Variants in DPP10 observed in about 807,000 individuals in gnomAD.
DPP10 encodes the protein dipeptidyl peptidase like 10.
Under a neutral mutation model 120.9 loss-of-function variants are expected in DPP10, and 33 were observed. The observed-to-expected ratio is 0.27, with a 90% CI of 0.21 to 0.37. DPP10 has a LOEUF of 0.37. DPP10 is among the 10% of genes least tolerant of loss of function. DPP10 has a pLI of 1.00. For synonymous variants in DPP10, 337 were observed against 326.1 expected (o/e 1.03, Z -0.36); for missense variants, 816 against 942.8 (o/e 0.87, Z 1.76).
intron 5 of DPP10, among the ~76,000 whole-genome samples, chr2:115,545,732 C>T (rs2079461553): frequency 6.6e-6 from 1 of 152,126 alleles, no homozygotes; most frequent in African/African-American, 2.4e-5. Flanking sequence ...CATAAATCCT[C>T]AAATCCTCAC....
chr2:115,791,048 TTAGC>T, intron 17 of DPP10, 29 bp from the exon 18 acceptor site: 1 of 1,496,128 alleles, frequency 6.7e-7, no homozygotes. Flanking sequence ...TGCATAGGGG[TTAGC>T]TATTTACACT....
chr2:115,364,768 A>G (rs565472107), intron 3 of DPP10, among the ~76,000 whole-genome samples: 16 of 152,166 alleles, frequency 1.1e-4, no homozygotes, highest in Middle Eastern at 6.8e-3. Flanking sequence ...CACAGTATCT[A>G]GCACGTAGTT....
At chr2:115,419,626 G>A (rs1017003662) in intron 3 of DPP10, among the ~76,000 whole-genome samples, 2 of 151,968 alleles carry the variant, frequency 1.3e-5, no homozygotes, top group Admixed American at 6.6e-5. Flanking sequence ...TATCCAACCA[G>A]TATCAAATGC....
chr2:114,900,676 T>C (rs1457506369), intron 1 of DPP10, among the ~76,000 whole-genome samples: 1 of 152,326 alleles, frequency 6.6e-6, no homozygotes, highest in East Asian at 1.9e-4. Flanking sequence ...TCATTTTCAT[T>C]TGACAAACAG....
In DPP10 at chr2:115,033,701, T is replaced by A. The variant is rs1360360777; in HGVS notation, c.61-275538T>A. On this transcript the variant is annotated intron_variant, in intron 1 of 25. Coordinates refer to ENST00000410059, the MANE Select transcript of DPP10 (RefSeq NM_020868.6). ...TTTACCGCAATATCTTCCCTCCTTTTTTTTTTTTTTATTTTTAGAGATACG... is the reference window on the plus strand; with the variant it reads ...TTTACCGCAATATCTTCCCTCCTTTATTTTTTTTTTATTTTTAGAGATACG... Among the ~76,000 whole-genome samples the A allele has an allele frequency of 4.7e-5, 7 of 150,362 alleles. No homozygotes were observed. The South Asian group carries it at 1.5e-3, about 32-fold the overall frequency.
chr2:114,544,440 G>A (rs772407556), intron 1 of DPP10, among the ~76,000 whole-genome samples: 2 of 152,164 alleles, frequency 1.3e-5, no homozygotes, highest in Admixed American at 1.3e-4. Flanking sequence ...TAAGAAACAG[G>A]TCCAAAATAG....
intron 3 of DPP10, among the ~76,000 whole-genome samples, chr2:115,358,321 A>G (rs2064541012): frequency 6.6e-6 from 1 of 152,162 alleles, no homozygotes; most frequent in Admixed American, 6.5e-5. Flanking sequence ...CAGGGGCAAA[A>G]TGCTGCCAGT....
chr2:115,636,279 A>G (rs1406805364), intron 5 of DPP10, among the ~76,000 whole-genome samples: 2 of 152,174 alleles, frequency 1.3e-5, no homozygotes, highest in Non-Finnish European at 1.5e-5. Context: ...GGAAAACATC[A>G]ACTATTTTAA....
At chr2:114,467,037 C>CAAA (rs35956526) in intron 1 of DPP10, among the ~76,000 whole-genome samples, 13 of 136,724 alleles carry the variant, frequency 9.5e-5, no homozygotes, top group African/African-American at 2.7e-4. Context: ...ACTCCATATC[C>CAAA]AAAAAAAAAA....
At chr2:115,297,819 A>T (rs1046452169) in intron 1 of DPP10, among the ~76,000 whole-genome samples, 5 of 152,052 alleles carry the variant, frequency 3.3e-5, no homozygotes, top group Non-Finnish European at 1.5e-5. Flanking sequence ...AAGCTTAAAG[A>T]TGATGGTCTG....
chr2:115,722,145 T>C (rs2100070), intron 7 of DPP10, among the ~76,000 whole-genome samples: 147,035 of 152,060 alleles, frequency 0.97, 71,307 homozygotes, highest in Middle Eastern at 1. Flanking sequence ...GAATTTCAGT[T>C]GAGTGAGATT....
chr2:114,501,406 G>T (rs10184965), intron 1 of DPP10, among the ~76,000 whole-genome samples: 4,776 of 152,150 alleles, frequency 0.031, 249 homozygotes, highest in African/African-American at 0.11. Context: ...TGATGAACAA[G>T]AATATATTTT....
At chr2:114,528,364 A>G (rs761008890) in intron 1 of DPP10, among the ~76,000 whole-genome samples, 13 of 152,126 alleles carry the variant, frequency 8.5e-5, no homozygotes, top group African/African-American at 1.4e-4. Context: ...TTGAAAATTG[A>G]CTTTCAATCA....
intron 1 of DPP10, among the ~76,000 whole-genome samples, chr2:114,815,547 G>A (rs79363064): frequency 2.0e-5 from 3 of 152,166 alleles, no homozygotes; most frequent in African/African-American, 4.8e-5. Flanking sequence ...TTTCAAAAAA[G>A]TTAGTATCTA....
chr2:115,391,236 G>A (rs2067294362), intron 3 of DPP10, among the ~76,000 whole-genome samples: 1 of 152,082 alleles, frequency 6.6e-6, no homozygotes, highest in Non-Finnish European at 1.5e-5. Context: ...ATATACACTG[G>A]TAGAATGATG....
chr2:115,716,778 A>T (rs2092509803), intron 7 of DPP10, among the ~76,000 whole-genome samples: 1 of 148,138 alleles, frequency 6.8e-6, no homozygotes, highest in African/African-American at 2.7e-5. Context: ...AATTTTATGA[A>T]GTAGTATAAA....
rs1297950237 is a variant in DPP10, at chr2:115,622,839, T to TG, written c.442-66848_442-66847insG. ...CCCCATTCGTTTATTCTTTTTTTTT[T>TG]TTTTTTTGTTTTTTGTTTTTTGAGA... On this transcript the variant is annotated intron_variant, in intron 5 of 25. Transcript: ENST00000410059. Among the ~76,000 whole-genome samples the TG allele has an allele frequency of 3.7e-3, 513 of 137,136 alleles. 2 individuals carry two copies. Among genetic ancestry groups the TG allele is most frequent in the African/African-American group, 0.011 (451 of 39,300 alleles). The allele number at this position is 137,136 out of a possible 152,430, so 90.0% of individuals were successfully genotyped here.
intron 4 of DPP10, among the ~76,000 whole-genome samples, chr2:115,502,659 G>A (rs146895827): frequency 8.0e-4 from 122 of 152,248 alleles, no homozygotes; most frequent in Admixed American, 1.4e-3. Flanking sequence ...CAAGCCCCAT[G>A]TGCTTAAGTA....
intron 1 of DPP10, among the ~76,000 whole-genome samples, chr2:115,122,854 G>T (rs962045123): frequency 6.6e-6 from 1 of 152,154 alleles, no homozygotes; most frequent in Admixed American, 6.6e-5. Flanking sequence ...CAGACTCCAA[G>T]GTCCTTCCCA....
Sources: gnomAD v4.1 joint callset for allele counts (sites outside exome capture counted in the v4.1 genomes callset) on GRCh38, gnomAD v4.1.1 for gene constraint, MANE v1.5 for transcripts, NCBI Gene and HGNC (gene_info 2026-07-23, HGNC 2026-07-21) for gene names.